FANCL: variants seen among roughly 807,000 people sequenced by gnomAD.
FANCL encodes FA complementation group L.
A neutral mutation model predicts 59.4 loss-of-function variants in FANCL; 69 were observed. That is an observed-to-expected ratio of 1.16 (90% CI 0.96 to 1.42). The LOEUF is 1.42. FANCL is among the 40% of genes most tolerant of loss of function. The pLI, the probability that FANCL is intolerant of heterozygous loss-of-function variation, is 0.00. For synonymous variants in FANCL, 180 were observed against 147.1 expected (o/e 1.22, Z -1.62); for missense variants, 519 against 447.2 (o/e 1.16, Z -1.45).
Position 58,175,250 on chromosome 2 carries a change from T to C in FANCL, c.541-9376A>G, listed in dbSNP as rs1167334029. On this transcript the variant is annotated intron_variant, in intron 7 of 13. Coordinates refer to ENST00000233741, the MANE Select transcript of FANCL (RefSeq NM_018062.4). Reference sequence around the variant, plus strand: ...TTCCTTCTGAAACTATTACAATCAATAGAAAAAGAGGGAATCCTCCCTAAC... The same window carrying C: ...TTCCTTCTGAAACTATTACAATCAACAGAAAAAGAGGGAATCCTCCCTAAC... Among the ~76,000 whole-genome samples the C allele has an allele frequency of 1.2e-4, 18 of 147,846 alleles. 2 individuals are homozygous for C. Among genetic ancestry groups the C allele is most frequent in the Non-Finnish European group, 1.9e-4 (13 of 67,270 alleles).
At chr2:58,215,567 C>A (rs1442951313) in intron 5 of FANCL, among the ~76,000 whole-genome samples, 1 of 151,954 alleles carries the variant, frequency 6.6e-6, no homozygotes, top group African/African-American at 2.4e-5. Context: ...GGGCCAAAGT[C>A]CTAAAGAAGA....
chr2:58,174,543 G>A (rs560579823), intron 7 of FANCL, among the ~76,000 whole-genome samples: 7 of 152,120 alleles, frequency 4.6e-5, no homozygotes, highest in Non-Finnish European at 1.0e-4. Flanking sequence ...TGACTACTGG[G>A]TACATAACAA....
intron 5 of FANCL, among the ~76,000 whole-genome samples, chr2:58,205,383 T>C (rs901354146): frequency 6.6e-6 from 1 of 152,080 alleles, no homozygotes; most frequent in Non-Finnish European, 1.5e-5. Context: ...GAAAGTGTTT[T>C]ATACACATAA....
At chr2:58,204,355 T>C in intron 5 of FANCL, 129 bp from the exon 6 acceptor site, 1 of 761,966 alleles carries the variant, frequency 1.3e-6, no homozygotes, top group Non-Finnish European at 2.3e-6. Flanking sequence ...TCAGAGCAAT[T>C]TCTGCATGCC....
intron 7 of FANCL, among the ~76,000 whole-genome samples, chr2:58,190,061 A>G (rs993231572): frequency 6.6e-6 from 1 of 152,086 alleles, no homozygotes; most frequent in African/African-American, 2.4e-5. Flanking sequence ...AACAGGTGAT[A>G]AATCTAAATA....
intron 3 of FANCL, among the ~76,000 whole-genome samples, chr2:58,228,862 T>C (rs969196139): frequency 2.0e-5 from 3 of 152,112 alleles, no homozygotes; most frequent in Admixed American, 6.5e-5. Flanking sequence ...TAGATCTTAA[T>C]ATTAGACTAC....
At chr2:58,204,752 C>A (rs1195051998) in intron 5 of FANCL, among the ~76,000 whole-genome samples, 1 of 151,992 alleles carries the variant, frequency 6.6e-6, no homozygotes, top group Non-Finnish European at 1.5e-5. Context: ...AGCACAGGTA[C>A]AGCCTGGTCT....
chr2:58,231,398 C>T (rs965221873), intron 2 of FANCL, among the ~76,000 whole-genome samples: 1 of 152,206 alleles, frequency 6.6e-6, no homozygotes, highest in Non-Finnish European at 1.5e-5. Context: ...CTCTCTTCTA[C>T]TTTTCCATCT....
chr2:58,160,760 G>C (rs149102677), intron 12 of FANCL, among the ~76,000 whole-genome samples: 1 of 151,976 alleles, frequency 6.6e-6, no homozygotes, highest in Admixed American at 6.6e-5. Flanking sequence ...GTAATTTCAT[G>C]ATTTTATATA....
At chr2:58,230,667 G>C (rs1470326245) in intron 2 of FANCL, among the ~76,000 whole-genome samples, 1 of 152,010 alleles carries the variant, frequency 6.6e-6, no homozygotes, top group Non-Finnish European at 1.5e-5. Context: ...CTCCATTCTT[G>C]GTCTTCAAAT....
intron 5 of FANCL, among the ~76,000 whole-genome samples, chr2:58,216,564 T>C (rs1302900757): frequency 6.6e-6 from 1 of 152,200 alleles, no homozygotes; most frequent in Non-Finnish European, 1.5e-5. Context: ...ATTTAAGATT[T>C]TACATTTTTT....
chr2:58,211,454 A>T (rs527794915), intron 5 of FANCL, among the ~76,000 whole-genome samples: 26 of 152,314 alleles, frequency 1.7e-4, no homozygotes, highest in African/African-American at 6.3e-4. Context: ...GCTGCCGTGA[A>T]GACCTCTGGC....
chr2:58,159,585 A>G lies in FANCL; in HGVS notation c.*180T>C, dbSNP rs765209343. ...AAAGTTCAACTGGACTTTGGCCTAC[A>G]ATTTCCCAGTTTACTCTTAGTGAAG... On this transcript the variant is annotated 3_prime_UTR_variant, in exon 14 of 14. Transcript: ENST00000233741. The G allele has an allele frequency of 6.2e-7, 1 of 1,613,706 alleles. No individual in the cohort carries two copies. Among genetic ancestry groups the G allele is most frequent in the African/African-American group, 1.3e-5 (1 of 74,908 alleles).
rs1689658385 is a variant in FANCL, at chr2:58,198,432, A to G, written c.540+162T>C. ...ACTTAAAGTATACAGAAGAGTGTGC[A>G]CAGGCTATAAACAAAGTCCCATTTA... On this transcript the variant is annotated intron_variant, in intron 7 of 13. Transcript: ENST00000233741. 3 of 626,030 alleles carry G rather than the reference A, an allele frequency of 4.8e-6. No homozygotes were observed. The African/African-American group carries it at 5.5e-5, about 12-fold the overall frequency. The allele number at this position is 626,030 out of a possible 1,614,324, so 38.8% of individuals were successfully genotyped here.
intron 6 of FANCL, among the ~76,000 whole-genome samples, chr2:58,199,234 G>A (rs1305854060): frequency 1.3e-5 from 2 of 152,076 alleles, no homozygotes; most frequent in East Asian, 1.9e-4. Context: ...TTAAGTCAGC[G>A]TTGTGTCAGC....
chr2:58,216,497 C>T (rs942757696), intron 5 of FANCL, among the ~76,000 whole-genome samples: 4 of 152,098 alleles, frequency 2.6e-5, no homozygotes, highest in Admixed American at 6.5e-5. Flanking sequence ...CCTCATTTAT[C>T]TCCTTTCACC....
chr2:58,159,952 G>C, intron 13 of FANCL, 152 bp from the exon 14 acceptor site: 1 of 1,525,656 alleles, frequency 6.6e-7, no homozygotes. Context: ...TAGAAAAGGA[G>C]TTTAATGTTT....
intron 1 of FANCL, among the ~76,000 whole-genome samples, chr2:58,236,538 A>G (rs1694042505): frequency 6.6e-6 from 1 of 151,958 alleles, no homozygotes; most frequent in African/African-American, 2.4e-5. Flanking sequence ...AAAGAATTCC[A>G]ATAATATAAA....
intron 7 of FANCL, among the ~76,000 whole-genome samples, chr2:58,181,674 T>A (rs1217844745): frequency 6.6e-6 from 1 of 152,068 alleles, no homozygotes; most frequent in Non-Finnish European, 1.5e-5. Context: ...AAAGCAAATA[T>A]AGGAAAGATT....
Sources: allele counts gnomAD v4.1 joint callset (sites outside exome capture counted in the v4.1 genomes callset), GRCh38; gene constraint gnomAD v4.1.1; transcripts MANE v1.5; gene names NCBI Gene and HGNC (gene_info 2026-07-23, HGNC 2026-07-21).